Variants in MICAL3 observed in about 807,000 individuals in gnomAD.
MICAL3 encodes the protein [F-actin]-monooxygenase MICAL3.
Under a neutral mutation model 207.4 loss-of-function variants are expected in MICAL3, and 62 were observed. The observed-to-expected ratio is 0.30, with a 90% CI of 0.24 to 0.37. MICAL3 has a LOEUF of 0.37. MICAL3 is among the 10% of genes least tolerant of loss of function. MICAL3 has a pLI of 1.00. For synonymous variants in MICAL3, 1,077 were observed against 1,069.3 expected (o/e 1.01, Z -0.14); for missense variants, 2,368 against 2,635.6 (o/e 0.90, Z 2.22).
At chr22:17,966,032 C>T (rs893850733) in intron 1 of MICAL3, among the ~76,000 whole-genome samples, 2 of 152,190 alleles carry the variant, frequency 1.3e-5, no homozygotes, top group African/African-American at 2.4e-5. Flanking sequence ...AATGAAGAGT[C>T]AACACACATG....
At chr22:18,010,894 C>T (rs1283190539) in intron 1 of MICAL3, among the ~76,000 whole-genome samples, 1 of 151,616 alleles carries the variant, frequency 6.6e-6, no homozygotes, top group East Asian at 1.9e-4. Flanking sequence ...TTTCCCCATA[C>T]TTTTGTAATG....
Position 17,861,953 on chromosome 22 carries a change from G to C in MICAL3, c.2605+2946C>G, listed in dbSNP as rs969659153. The C allele has an allele frequency of 7.1e-6, 7 of 985,222 alleles. No homozygotes were observed. In the Admixed American group the frequency reaches 3.7e-4, roughly 52 times the overall value. 61.0% of individuals were successfully genotyped at this position (985,222 alleles called of 1,614,324 possible). The stretch of plus-strand genomic sequence containing the variant: ...TTTTTTTGTTTTTGTTTTGGCAACA[G>C]CAAGAATTTTGGCATAAAAAGAAAA... On this transcript the variant is annotated intron_variant, in intron 19 of 31. Coordinates refer to ENST00000441493, the MANE Select transcript of MICAL3 (RefSeq NM_015241.3).
rs200879613 is a variant in MICAL3 at position 17,976,586 on chromosome 22, TATA to T, written c.-75+47692_-75+47694del. Among the ~76,000 whole-genome samples the T allele has an allele frequency of 8.2e-3, 632 of 77,194 alleles. 12 individuals are homozygous for T. Among genetic ancestry groups the T allele is most frequent in the South Asian group, 0.022 (56 of 2,562 alleles). 50.6% of individuals were successfully genotyped at this position (77,194 alleles called of 152,430 possible). On this transcript the variant is annotated intron_variant, in intron 1 of 31. Coordinates refer to ENST00000441493, the MANE Select transcript of MICAL3 (RefSeq NM_015241.3). ...GTATATATATATATATATATATATA[TATA>T]TTTTTTTTTTTTTTTTTTGAGACAG...
intron 29 of MICAL3, among the ~76,000 whole-genome samples, chr22:17,808,477 G>A (rs2062010534): frequency 6.6e-6 from 1 of 152,214 alleles, no homozygotes; most frequent in South Asian, 2.1e-4. Flanking sequence ...GACCTGCTCA[G>A]TGCAATTCTG....
Position 17,922,874 on chromosome 22 carries a change from G to A in MICAL3, c.-74-15988C>T, listed in dbSNP as rs1932832658. On this transcript the variant is annotated intron_variant, in intron 1 of 31. Transcript: ENST00000441493. ...TATTTTCATGGAGAAAATCTCAGTT[G>A]TTCTCTCCAAAGCAGAAATAAATCT... Among the ~76,000 whole-genome samples, 2 of 152,174 alleles carry A rather than the reference G, an allele frequency of 1.3e-5. 1 individual carries two copies. The highest frequency in any genetic ancestry group is 4.1e-4 in the South Asian group (2 of 4,832).
At chr22:17,849,238 C>A (rs1018838662) in intron 19 of MICAL3, among the ~76,000 whole-genome samples, 12 of 152,230 alleles carry the variant, frequency 7.9e-5, no homozygotes, top group African/African-American at 2.9e-4. Context: ...ACATTGAGGG[C>A]TCTGAGTCAG....
Position 17,827,833 on chromosome 22 carries a change from G to C in MICAL3, c.3056-52C>G, listed in dbSNP as rs546259414. The C allele has an allele frequency of 6.6e-6, 10 of 1,504,524 alleles. No homozygotes were observed. The African/African-American group carries it at 1.4e-4, about 21-fold the overall frequency. The allele number at this position is 1,504,524 out of a possible 1,614,324, so 93.2% of individuals were successfully genotyped here. ...GAAATGAGGTGGGGAAGGAGGGGAT[G>C]AAATAGCATGGGAAAGGAAACAGAA... On this transcript the variant is annotated intron_variant, in intron 21 of 31. Transcript: ENST00000441493.
At chr22:17,860,771 C>T in intron 19 of MICAL3, 3 of 984,868 alleles carry the variant, frequency 3.0e-6, no homozygotes, top group Non-Finnish European at 3.6e-6. Context: ...TTTTCTGAGA[C>T]ACCCACCCAC....
At chr22:18,015,422 C>CTTT (rs34098867) in intron 1 of MICAL3, among the ~76,000 whole-genome samples, 15,326 of 105,426 alleles carry the variant, frequency 0.15, 1,674 homozygotes, top group Non-Finnish European at 0.18. Flanking sequence ...TAAGACTCAT[C>CTTT]TTTTTTTTTT....
chr22:17,980,295 G>C (rs1023891411), intron 1 of MICAL3, among the ~76,000 whole-genome samples: 2 of 152,214 alleles, frequency 1.3e-5, no homozygotes, highest in African/African-American at 2.4e-5. Flanking sequence ...AAGACGGAAA[G>C]GGCCTTTGGT....
intron 1 of MICAL3, among the ~76,000 whole-genome samples, chr22:17,915,357 G>A (rs995031282): frequency 2.6e-5 from 4 of 152,180 alleles, no homozygotes; most frequent in African/African-American, 7.2e-5. Flanking sequence ...TTGGTAGGCC[G>A]TACAGGGCAA....
chr22:17,818,189 G>C lies in MICAL3; in HGVS notation c.4472C>G (p.Pro1491Arg), dbSNP rs765136460. Residue 1491 changes from proline (P) to arginine (R), a missense_variant, in exon 26 of 32, where the codon CCC (proline) becomes CGC (arginine). Pro to Arg is a moderately radical substitution (Grantham distance 103, BLOSUM62 -2). This residue lies in a region of MICAL3 where 1,770 missense variants were observed against 1,863.2 expected (regional missense o/e 0.95). Transcript: ENST00000441493. ...CCGGGGGGGCCGCATCCAGGTGGCGGGCAAGGGCGGCGGGACCACCGAGGC... is the reference window on the plus strand; with the variant it reads ...CCGGGGGGGCCGCATCCAGGTGGCGCGCAAGGGCGGCGGGACCACCGAGGC... ...PNASVVPPPL[P>R]ATWMRPPREP... 2.6e-6 allele frequency: 4 copies of C among 1,566,510 alleles called. No homozygotes were observed. The highest frequency in any genetic ancestry group is 1.8e-5 in the Admixed American group (1 of 54,174).
chr22:17,966,973 T>C (rs1180904756), intron 1 of MICAL3, among the ~76,000 whole-genome samples: 1 of 152,064 alleles, frequency 6.6e-6, no homozygotes, highest in Non-Finnish European at 1.5e-5. Context: ...ACAGGGGAAA[T>C]AGGATCCAAG....
intron 10 of MICAL3, 85 bp downstream of exon 10, chr22:17,895,199 A>C (rs950312337): frequency 3.1e-5 from 42 of 1,374,390 alleles, no homozygotes; most frequent in Non-Finnish European, 4.3e-5. Context: ...GTGTGGTATT[A>C]ATAGGTGCAC....
chr22:17,881,139 A>G, intron 16 of MICAL3: 1 of 1,317,262 alleles, frequency 7.6e-7, no homozygotes, highest in Non-Finnish European at 1.1e-6. Flanking sequence ...TGGTCTCTAC[A>G]CTAGCCACCT....
intron 20 of MICAL3, among the ~76,000 whole-genome samples, chr22:17,836,413 C>T (rs439231): frequency 0.25 from 37,336 of 152,106 alleles, 4,816 homozygotes; most frequent in Middle Eastern, 0.3. Flanking sequence ...AAGGAGAAGT[C>T]GGGATTCCCA....
intron 21 of MICAL3, among the ~76,000 whole-genome samples, chr22:17,830,054 G>A (rs1601995947): frequency 6.6e-6 from 1 of 152,182 alleles, no homozygotes; most frequent in African/African-American, 2.4e-5. Flanking sequence ...TGGGCACGGG[G>A]TAAAGTGGGT....
At chr22:17,897,135 A>C (rs1930914707) in intron 7 of MICAL3, among the ~76,000 whole-genome samples, 154 bp from the exon 8 acceptor site, 1 of 151,954 alleles carries the variant, frequency 6.6e-6, no homozygotes, top group South Asian at 2.1e-4. Context: ...GGGCGGGGGG[A>C]AAGGCAGCCA....
intron 29 of MICAL3, among the ~76,000 whole-genome samples, chr22:17,792,325 T>A (rs7286752): frequency 2.0e-5 from 3 of 152,250 alleles, no homozygotes; most frequent in South Asian, 2.1e-4. Context: ...AAAATGCTTA[T>A]GTGTGCAGAG....
Sources: allele counts gnomAD v4.1 joint callset (sites outside exome capture counted in the v4.1 genomes callset), GRCh38; gene constraint gnomAD v4.1.1; regional missense constraint gnomAD v4.1.1; transcripts MANE v1.5; gene names NCBI Gene and HGNC (gene_info 2026-07-23, HGNC 2026-07-21).